Variants in SIGIRR observed in about 807,000 individuals in gnomAD.
SIGIRR encodes the protein single Ig IL-1-related receptor.
In SIGIRR, 41 loss-of-function variants were observed where a neutral mutation model predicts 45.6. That is an observed-to-expected ratio of 0.90 (90% CI 0.70 to 1.17). The LOEUF (loss-of-function observed/expected upper bound fraction) is 1.17. SIGIRR is among the 50% of genes most tolerant of loss of function. SIGIRR has a pLI of 0.00. For synonymous variants in SIGIRR, 298 were observed against 239.0 expected (o/e 1.25, Z -2.28); for missense variants, 599 against 539.6 (o/e 1.11, Z -1.09).
At chr11:408,302 T>C (rs759795098) in intron 3 of SIGIRR, 96 bp from the exon 4 acceptor site, 44 of 1,490,712 alleles carry the variant, frequency 3.0e-5, no homozygotes, top group Non-Finnish European at 4.0e-5. Flanking sequence ...GCTGCAGAAT[T>C]GGGCCTCCTG....
chr11:407,698 C>A (rs550782289), intron 5 of SIGIRR, 119 bp downstream of exon 5: 12 of 1,562,598 alleles, frequency 7.7e-6, no homozygotes, highest in Admixed American at 3.5e-5. Context: ...CCAGCCGGGC[C>A]GCACAGAGCA....
At chr11:407,018 G>A (rs1299288162) in intron 7 of SIGIRR, 25 bp from the exon 8 acceptor site, 3 of 1,587,320 alleles carry the variant, frequency 1.9e-6, no homozygotes, top group Non-Finnish European at 2.6e-6. Flanking sequence ...CGTCAGGGGG[G>A]TGGGTGCTAC....
chr11:415,481 G>T (rs909731880), upstream of SIGIRR, among the ~76,000 whole-genome samples: 1 of 152,130 alleles, frequency 6.6e-6, no homozygotes, highest in Non-Finnish European at 1.5e-5. This position sits in a 1 kb window ranked among gnomAD's most constrained non-coding sequence, Gnocchi z 6.6. Context: ...ACACTCAGGA[G>T]CCAAGGGGCC....
intron 9 of SIGIRR, 133 bp downstream of exon 9, chr11:406,216 C>A (rs1847289396): frequency 1.3e-6 from 2 of 1,539,134 alleles, no homozygotes; most frequent in Non-Finnish European, 1.7e-6. Context: ...AGGGCAGAGG[C>A]CGTGCAGGGG....
At chr11:410,107 C>T in intron 1 of SIGIRR, 80 bp from the exon 2 acceptor site, 1 of 1,198,624 alleles carries the variant, frequency 8.3e-7, no homozygotes, top group East Asian at 3.2e-5. Context: ...CAGCACTGGC[C>T]CTGACCAGAT....
intron 8 of SIGIRR, 24 bp downstream of exon 8, chr11:406,819 G>T (rs1847331213): frequency 1.3e-6 from 2 of 1,506,672 alleles, no homozygotes; most frequent in African/African-American, 1.4e-5. Context: ...GCTAGCCCCG[G>T]ACCCTCCCGC....
In SIGIRR at chr11:408,195, T is replaced by A; in HGVS notation, c.218A>T (p.Asn73Ile). Residue 73 changes from asparagine (N) to isoleucine (I), a missense_variant, in exon 4 of 10, where the codon AAC (asparagine) becomes ATC (isoleucine). Transcript: ENST00000431843. ...ACTGGACACAAGCACCTCTGACAGGTTGGCCTTGACCCTGGGGATACCAAG... is the reference window on the plus strand; with the variant it reads ...ACTGGACACAAGCACCTCTGACAGGATGGCCTTGACCCTGGGGATACCAAG... ...SLHEYSWVKA[N>I]LSEVLVSSVL... 6.2e-7 allele frequency: 1 copy of A among 1,612,604 alleles called. No homozygotes were observed.
Position 405,861 on chromosome 11 carries a change from C to G in SIGIRR, c.*35G>C. On this transcript the variant is annotated 3_prime_UTR_variant, in exon 10 of 10. Coordinates refer to ENST00000431843, the MANE Select transcript of SIGIRR (RefSeq NM_001135054.2). The stretch of plus-strand genomic sequence containing the variant: ...GGAGCGACGCCGCTGCCCTGGCCCC[C>G]GCTGTCCCTATGATCCTGCACTCTG... 1 of 1,556,292 alleles carries G rather than the reference C, an allele frequency of 6.4e-7. No individual in the cohort carries two copies. Among genetic ancestry groups the G allele is most frequent in the Non-Finnish European group, 8.7e-7 (1 of 1,146,104 alleles).
rs1185441185 is a variant in SIGIRR, at chr11:405,932, T to A, written c.1197A>T (p.Thr399=). The A allele has an allele frequency of 6.2e-7, 1 of 1,609,338 alleles. No individual in the cohort carries two copies. The highest frequency in any genetic ancestry group is 1.3e-5 in the African/African-American group (1 of 74,834). The change falls in exon 10 of 10, where the codon ACA becomes ACT. Residue 399 remains threonine (T), a synonymous_variant. Coordinates refer to ENST00000431843, the MANE Select transcript of SIGIRR (RefSeq NM_001135054.2). Reference sequence around the variant, plus strand: ...CCTTGGACACCAGGCAGTAGAAGTCTGTGCGGGCACTGTAGTTTCGCGAGC... The same window carrying A: ...CCTTGGACACCAGGCAGTAGAAGTCAGTGCGGGCACTGTAGTTTCGCGAGC... ...DLGSRNYSAR[T]DFYCLVSKDD...
chr11:410,058 A>C (rs1170063833), intron 1 of SIGIRR, 31 bp from the exon 2 acceptor site: 2 of 1,237,640 alleles, frequency 1.6e-6, no homozygotes, highest in Non-Finnish European at 2.0e-6. Flanking sequence ...CAAGTTAAAC[A>C]GGAACAGGAT....
intron 3 of SIGIRR, 53 bp from the exon 4 acceptor site, chr11:408,259 C>G (rs569795961): frequency 6.3e-7 from 1 of 1,589,472 alleles, no homozygotes. Flanking sequence ...GTGGACACCC[C>G]CGAACCCCAC....
In SIGIRR at chr11:407,423, A is replaced by G; in HGVS notation, c.625+2T>C. 1.3e-6 allele frequency: 2 copies of G among 1,543,494 alleles called. No homozygotes were observed. Among genetic ancestry groups the G allele is most frequent in the African/African-American group, 1.4e-5 (1 of 72,708 alleles). ...CGGGGCACGGGGTGGGGCCCGGGATACCAGCGCGCGGCAGGAGGTCGCGGT... is the reference window on the plus strand; with the variant it reads ...CGGGGCACGGGGTGGGGCCCGGGATGCCAGCGCGCGGCAGGAGGTCGCGGT... On this transcript the variant is annotated splice_donor_variant, in intron 6 of 9. Transcript: ENST00000431843. LOFTEE classifies it high-confidence loss of function.
Position 414,489 on chromosome 11 carries a change from C to T in SIGIRR, c.-154+334G>A, listed in dbSNP as rs145467018. Among the ~76,000 whole-genome samples, 135 of 152,100 alleles carry T rather than the reference C, an allele frequency of 8.9e-4. 3 individuals are homozygous for T. In the East Asian group the frequency reaches 0.026, roughly 29 times the overall value. Reference sequence around the variant, plus strand: ...CAGAGCTTCAGTCTCAGCCCGTGTGCACACTTGCACCTCCTACACAGCACA... The same window carrying T: ...CAGAGCTTCAGTCTCAGCCCGTGTGTACACTTGCACCTCCTACACAGCACA... On this transcript the variant is annotated intron_variant, in intron 1 of 9. Coordinates refer to ENST00000431843, the MANE Select transcript of SIGIRR (RefSeq NM_001135054.2).
intron 3 of SIGIRR, 66 bp from the exon 4 acceptor site, chr11:408,272 G>C: frequency 6.4e-7 from 1 of 1,573,428 alleles, no homozygotes; most frequent in South Asian, 1.2e-5. Context: ...AACCCCACCT[G>C]TCTGGGTTCA....
rs1847263283 is a variant in SIGIRR at position 405,854 on chromosome 11, TG to T, written c.*41del. On this transcript the variant is annotated 3_prime_UTR_variant, in exon 10 of 10. Coordinates refer to ENST00000431843, the MANE Select transcript of SIGIRR (RefSeq NM_001135054.2). The stretch of plus-strand genomic sequence containing the variant: ...GAGCAGAGGAGCGACGCCGCTGCCC[TG>T]GCCCCCGCTGTCCCTATGATCCTGC... 2 of 1,548,210 alleles carry T rather than the reference TG, an allele frequency of 1.3e-6. No homozygotes were observed. The highest frequency in any genetic ancestry group is 1.4e-5 in the African/African-American group (1 of 73,300).
chr11:407,634 C>T lies in SIGIRR; in HGVS notation c.482-66G>A, dbSNP rs997238059. ...TCACACCAGCCCTCGGGGTCCCCAA[C>T]ACCCCTAACCATCTCCCACGTGCAC... On this transcript the variant is annotated intron_variant, in intron 5 of 9. Coordinates refer to ENST00000431843, the MANE Select transcript of SIGIRR (RefSeq NM_001135054.2). 2.3e-5 allele frequency: 36 copies of T among 1,574,402 alleles called. 1 individual carries two copies. In the Admixed American group the frequency reaches 2.3e-4, roughly 10 times the overall value.
chr11:409,420 C>CCTTGGGGGT, intron 2 of SIGIRR: 1 of 260,078 alleles, frequency 3.8e-6, no homozygotes, highest in South Asian at 5.7e-5. Flanking sequence ...CTCATTCCTG[C>CCTTGGGGGT]CTTGGGGGTC....
upstream of SIGIRR, among the ~76,000 whole-genome samples, chr11:416,580 G>A (rs1460153914): frequency 1.3e-5 from 2 of 152,108 alleles, no homozygotes; most frequent in African/African-American, 2.4e-5. This position sits in a 1 kb window ranked among gnomAD's most constrained non-coding sequence, Gnocchi z 9.1. Flanking sequence ...CTCGGTCCGC[G>A]GCCGCCCCTG....
chr11:407,375 G>GCGGGA (rs1459658001), intron 6 of SIGIRR, 50 bp downstream of exon 6: 11 of 1,466,104 alleles, frequency 7.5e-6, no homozygotes, highest in African/African-American at 1.4e-5. Context: ...ATGGGGCGGG[G>GCGGGA]CGGGGCGGGC....
Sources: allele counts gnomAD v4.1 joint callset (sites outside exome capture counted in the v4.1 genomes callset), GRCh38; gene constraint gnomAD v4.1.1; non-coding constraint Gnocchi (gnomAD v3.1); transcripts MANE v1.5; gene names NCBI Gene and HGNC (gene_info 2026-07-23, HGNC 2026-07-21).